The following RPS6KA5 variants were observed in gnomAD, a reference collection of about 807,000 sequenced individuals.
RPS6KA5 encodes the protein ribosomal protein S6 kinase alpha-5.
A neutral mutation model predicts 85.5 loss-of-function variants in RPS6KA5; 27 were observed. That is an observed-to-expected ratio of 0.32 (90% CI 0.23 to 0.44). RPS6KA5 has a LOEUF of 0.44. RPS6KA5 is among the 20% of genes least tolerant of loss of function. The probability of loss-of-function intolerance (pLI) is 1.00; values close to 1 mark genes in which losing one functional copy is unlikely to be tolerated. For synonymous variants in RPS6KA5, 334 were observed against 348.2 expected, an observed-to-expected ratio of 0.96 and a Z score of 0.46; for missense variants, 811 against 980.9, an observed-to-expected ratio of 0.83 and a Z score of 2.31.
At chr14:90,938,562 C>A (rs2037405749) in intron 5 of RPS6KA5, among the ~76,000 whole-genome samples, 1 of 152,228 alleles carries the variant, frequency 6.6e-6, no homozygotes, top group African/African-American at 2.4e-5. Flanking sequence ...TCTGCCTGGG[C>A]ATCCAGGTGT....
In RPS6KA5 at chr14:90,875,341, T is replaced by C. The variant is rs1334842503; in HGVS notation, c.1856A>G (p.Gln619Arg). Residue 619 changes from glutamine to arginine, a missense_variant, in exon 15 of 17, where the codon CAG becomes CGG. By Grantham distance (43) the Gln-to-Arg change is conservative (BLOSUM62 1). This residue lies in a region of RPS6KA5 where 650 missense variants were observed against 793.4 expected (regional missense o/e 0.82). Transcript: ENST00000614987. ...GVILYTMLSG[Q>R]VPFQSHDRSL... ...TCGGTCATGAGATTGGAAGGGAACC[T>C]GTCCTGACAACATTGTGTACTATCA... The C allele has an allele frequency of 1.2e-6, 2 of 1,613,686 alleles. No individual in the cohort carries two copies. The highest frequency in any genetic ancestry group is 1.7e-5 in the Admixed American group (1 of 59,938).
intron 7 of RPS6KA5, among the ~76,000 whole-genome samples, chr14:90,911,948 G>A (rs2035843332): frequency 6.6e-6 from 1 of 152,056 alleles, no homozygotes; most frequent in Non-Finnish European, 1.5e-5. Context: ...GAGTGGCAAG[G>A]AGGCAATGGA....
In RPS6KA5 at chr14:90,943,218, A is replaced by G. The variant is rs758799092; in HGVS notation, c.511-33T>C. 2.3e-6 allele frequency: 3 copies of G among 1,282,578 alleles called. No homozygotes were observed. The Admixed American group carries it at 5.6e-5, about 24-fold the overall frequency. 79.4% of individuals were successfully genotyped at this position (1,282,578 alleles called of 1,614,324 possible). A position where few individuals can be genotyped will look rare whatever the true frequency, so the allele number is the denominator to read the frequency against. ...AACAAAGAAATATAAATTTTAAAAT[A>G]ATTTACAAAAAAATGAATTAGGGCA... is the stretch of plus-strand genomic sequence containing the variant. On this transcript the variant is annotated intron_variant, in intron 4 of 16. Transcript: ENST00000614987.
chr14:90,890,437 G>A (rs1396478938), intron 14 of RPS6KA5, 50 bp downstream of exon 14: 2 of 1,469,294 alleles, frequency 1.4e-6, no homozygotes, highest in South Asian at 1.4e-5. Flanking sequence ...TAAGGAGAGA[G>A]GACACCAAAG....
chr14:91,035,935 T>C (rs1022420251), intron 1 of RPS6KA5, among the ~76,000 whole-genome samples: 9 of 121,562 alleles, frequency 7.4e-5, no homozygotes, highest in African/African-American at 3.1e-4. Flanking sequence ...TTAGGTATCT[T>C]CAAGCAAGCA....
At chr14:91,024,809 T>C (rs906111098) in intron 1 of RPS6KA5, among the ~76,000 whole-genome samples, 2 of 152,200 alleles carry the variant, frequency 1.3e-5, no homozygotes, top group Non-Finnish European at 2.9e-5. Context: ...ATTTTCTCTT[T>C]CTGAGAATGA....
rs1426867545 is a variant in RPS6KA5 at position 90,848,265 on chromosome 14, G to A, written c.*23809C>T. ...TTAATCAAAGGCAGTACCAGTTATC[G>A]CTATAATAAAGCACTCAAAGAACAT... On this transcript the variant is annotated 3_prime_UTR_variant, in exon 17 of 17. Transcript: ENST00000614987. The A allele has an allele frequency of 6.6e-6, 1 of 152,104 alleles. No individual in the cohort carries two copies. The highest frequency in any genetic ancestry group is 2.4e-5 in the African/African-American group (1 of 41,416). The allele number at this position is 152,104 out of a possible 1,614,324, so 9.4% of individuals were successfully genotyped here. A position where few individuals can be genotyped will look rare whatever the true frequency, so the allele number is the denominator to read the frequency against.
intron 3 of RPS6KA5, among the ~76,000 whole-genome samples, chr14:90,965,426 T>C (rs765357559): frequency 2.6e-5 from 4 of 152,106 alleles, no homozygotes; most frequent in Non-Finnish European, 5.9e-5. Flanking sequence ...CAATCTGACA[T>C]ACATTTCCAA....
intron 1 of RPS6KA5, chr14:91,052,451 G>A: frequency 4.9e-6 from 1 of 205,688 alleles, no homozygotes; most frequent in South Asian, 4.6e-5. Context: ...GGGCAACAGA[G>A]TAGACTCGTC....
At chr14:90,889,398 T>C (rs529149200) in intron 14 of RPS6KA5, among the ~76,000 whole-genome samples, 1 of 150,902 alleles carries the variant, frequency 6.6e-6, no homozygotes, top group Middle Eastern at 3.4e-3. Context: ...AAGAAACACA[T>C]GCAAATTATC....
At chr14:90,882,127 C>CT (rs1234673082) in intron 14 of RPS6KA5, among the ~76,000 whole-genome samples, 1 of 151,900 alleles carries the variant, frequency 6.6e-6, no homozygotes, top group Non-Finnish European at 1.5e-5. Context: ...AAATTCCTTT[C>CT]TTTTTTCTTT....
At position 90,848,916 on chromosome 14, in the gene RPS6KA5, T is replaced by A. The variant is rs997561304; in HGVS notation, c.*23158A>T. Reference sequence around the variant, plus strand: ...AAAACCTAGGGGGAAGGTGAGCTCCTGGGACATAAATACGCAGGGAAAGAA... The same window carrying A: ...AAAACCTAGGGGGAAGGTGAGCTCCAGGGACATAAATACGCAGGGAAAGAA... On this transcript the variant is annotated 3_prime_UTR_variant, in exon 17 of 17. Coordinates refer to ENST00000614987, the MANE Select transcript of RPS6KA5 (RefSeq NM_004755.4). 1 of 152,108 alleles carries A rather than the reference T, an allele frequency of 6.6e-6. No homozygotes were observed. Among genetic ancestry groups the A allele is most frequent in the African/African-American group, 2.4e-5 (1 of 41,416 alleles). The allele number at this position is 152,108 out of a possible 1,614,324, so 9.4% of individuals were successfully genotyped here.
intron 15 of RPS6KA5, 48 bp from the exon 16 acceptor site, chr14:90,873,843 G>T: frequency 6.5e-7 from 1 of 1,532,422 alleles, no homozygotes; most frequent in South Asian, 1.1e-5. Flanking sequence ...TTTAAACATG[G>T]TTTAAAAACA....
At chr14:90,890,077 T>C (rs911737835) in intron 14 of RPS6KA5, among the ~76,000 whole-genome samples, 10 of 152,248 alleles carry the variant, frequency 6.6e-5, no homozygotes, top group African/African-American at 2.4e-4. Context: ...CATCTATTTA[T>C]TTGTTAATTT....
intron 3 of RPS6KA5, among the ~76,000 whole-genome samples, chr14:90,966,912 AT>A (rs1449077684): frequency 6.6e-6 from 1 of 152,230 alleles, no homozygotes; most frequent in Non-Finnish European, 1.5e-5. Context: ...ATCTTTCTTG[AT>A]GGGCATGTCT....
chr14:91,007,282 A>T (rs2041062027), intron 1 of RPS6KA5, among the ~76,000 whole-genome samples: 1 of 152,228 alleles, frequency 6.6e-6, no homozygotes, highest in Middle Eastern at 3.2e-3. Flanking sequence ...ACAAAACAAC[A>T]AAGAGTATCA....
intron 13 of RPS6KA5, among the ~76,000 whole-genome samples, chr14:90,893,297 G>A (rs1566702324): frequency 6.6e-6 from 1 of 152,094 alleles, no homozygotes; most frequent in Non-Finnish European, 1.5e-5. Flanking sequence ...GGAAGCAGAG[G>A]GGAACTATCA....
intron 5 of RPS6KA5, among the ~76,000 whole-genome samples, chr14:90,933,829 T>C (rs748718967): frequency 6.6e-6 from 1 of 152,188 alleles, no homozygotes; most frequent in Non-Finnish European, 1.5e-5. Context: ...ACTCATTCTG[T>C]ATGCCCACAA....
chr14:91,024,759 T>C (rs1183441246), intron 1 of RPS6KA5, among the ~76,000 whole-genome samples: 1 of 152,198 alleles, frequency 6.6e-6, no homozygotes. Flanking sequence ...AACTAACAAG[T>C]CCCAGACCAG....
Sources: gnomAD v4.1 joint callset for allele counts (sites outside exome capture counted in the v4.1 genomes callset) on GRCh38, gnomAD v4.1.1 for gene constraint, gnomAD v4.1.1 regional missense constraint, MANE v1.5 for transcripts, NCBI Gene and HGNC (gene_info 2026-07-23, HGNC 2026-07-21) for gene names.